The following PTPRA variants were observed in gnomAD, a reference collection of about 807,000 sequenced individuals.
PTPRA encodes receptor-type tyrosine-protein phosphatase alpha.
A neutral mutation model predicts 104.8 loss-of-function variants in PTPRA; 25 were observed. That is an observed-to-expected ratio of 0.24 (90% confidence interval 0.17 to 0.33). The LOEUF (loss-of-function observed/expected upper bound fraction) is 0.33, where lower values mean the gene tolerates loss of function less well. PTPRA is among the 10% of genes least tolerant of loss of function. PTPRA has a pLI of 1.00. For missense variants in PTPRA, 765 were observed against 1,015.3 expected (o/e 0.75, Z 3.35); for synonymous variants, 323 against 368.9 (o/e 0.88, Z 1.43).
intron 20 of PTPRA, among the ~76,000 whole-genome samples, chr20:3,030,598 T>A (rs1024731757): frequency 4.0e-5 from 6 of 151,698 alleles, no homozygotes; most frequent in Non-Finnish European, 7.4e-5. Context: ...GAGAAAAAAA[T>A]TCGATCCCAT....
intron 1 of PTPRA, among the ~76,000 whole-genome samples, chr20:2,885,702 T>C (rs1023329124): frequency 1.3e-5 from 2 of 152,070 alleles, no homozygotes; most frequent in Non-Finnish European, 1.5e-5. Context: ...AAAAATATTA[T>C]AGGACAAATG....
At chr20:2,977,209 G>A (rs2062468754) in intron 6 of PTPRA, among the ~76,000 whole-genome samples, 1 of 151,348 alleles carries the variant, frequency 6.6e-6, no homozygotes, top group Non-Finnish European at 1.5e-5. Flanking sequence ...CTGGGAGGCA[G>A]AGGTTGCAGT....
intron 10 of PTPRA, among the ~76,000 whole-genome samples, chr20:3,006,630 T>C (rs1367016470): frequency 1.3e-5 from 2 of 152,210 alleles, no homozygotes; most frequent in East Asian, 3.8e-4. Context: ...CATTTACAGA[T>C]ACTTTTGTCT....
At chr20:2,904,833 A>G (rs1490519968) in intron 1 of PTPRA, among the ~76,000 whole-genome samples, 2 of 152,200 alleles carry the variant, frequency 1.3e-5, no homozygotes, top group Non-Finnish European at 2.9e-5. Context: ...TTCAGAAATC[A>G]GGGAGAAAAT....
At chr20:3,015,923 A>C in intron 12 of PTPRA, 38 bp downstream of exon 12, 1 of 1,529,456 alleles carries the variant, frequency 6.5e-7, no homozygotes, top group Non-Finnish European at 9.1e-7. Context: ...AGATTTAACC[A>C]TGATCACATA....
chr20:2,937,525 A>G (rs1453041084), intron 2 of PTPRA, among the ~76,000 whole-genome samples: 5 of 152,156 alleles, frequency 3.3e-5, no homozygotes, highest in Non-Finnish European at 7.3e-5. Flanking sequence ...CATCAAACAT[A>G]ATCTTTAAAA....
chr20:2,878,136 C>T (rs966403205), intron 1 of PTPRA, among the ~76,000 whole-genome samples: 10 of 151,718 alleles, frequency 6.6e-5, no homozygotes, highest in East Asian at 1.9e-4. Context: ...GGCGACAGAG[C>T]GAGACTCCGT....
At chr20:3,004,753 C>T (rs1406806574) in intron 9 of PTPRA, among the ~76,000 whole-genome samples, 2 of 152,210 alleles carry the variant, frequency 1.3e-5, no homozygotes, top group Admixed American at 6.5e-5. Context: ...GCCCTTTTGG[C>T]CCAGTATCAT....
At chr20:2,886,901 AT>A (rs58034120) in intron 1 of PTPRA, among the ~76,000 whole-genome samples, 61,902 of 150,880 alleles carry the variant, frequency 0.41, 13,323 homozygotes, top group East Asian at 0.64. Context: ...AAATAAAAAA[AT>A]GTAGTATCTT....
At chr20:2,915,467 T>C (rs1274439853) in intron 1 of PTPRA, among the ~76,000 whole-genome samples, 1 of 122,054 alleles carries the variant, frequency 8.2e-6, no homozygotes, top group Admixed American at 9.1e-5. Context: ...GGAAGTTGTC[T>C]TTTTTTGTTA....
At chr20:2,973,348 A>G (rs2062272504) in intron 5 of PTPRA, among the ~76,000 whole-genome samples, 1 of 152,178 alleles carries the variant, frequency 6.6e-6, no homozygotes, top group African/African-American at 2.4e-5. Context: ...GTTAATTAAC[A>G]TATTTAGTGC....
At chr20:3,009,871 GACA>G (rs2064072613) in intron 11 of PTPRA, among the ~76,000 whole-genome samples, 2 of 150,312 alleles carry the variant, frequency 1.3e-5, no homozygotes, top group African/African-American at 4.9e-5. Flanking sequence ...TTTTTCTGGA[GACA>G]GTCTCACCCC....
intron 11 of PTPRA, among the ~76,000 whole-genome samples, chr20:3,013,607 C>A (rs2064288876): frequency 6.6e-6 from 1 of 152,068 alleles, no homozygotes; most frequent in African/African-American, 2.4e-5. Flanking sequence ...GATGGGGTTT[C>A]TCCATGTTGG....
intron 1 of PTPRA, among the ~76,000 whole-genome samples, chr20:2,906,866 G>A (rs1307744104): frequency 6.6e-6 from 1 of 152,154 alleles, no homozygotes; most frequent in Non-Finnish European, 1.5e-5. Context: ...TTACCTTTTA[G>A]TATATTATTC....
At chr20:2,868,618 C>CTTTT (rs56081198), upstream of PTPRA, among the ~76,000 whole-genome samples, 5 of 45,212 alleles carry the variant, frequency 1.1e-4, no homozygotes, top group Non-Finnish European at 1.2e-4. Flanking sequence ...TCATTCTGGG[C>CTTTT]TTTTTTTTTT....
chr20:2,945,979 ATATATT>A (rs1568664223), intron 2 of PTPRA, among the ~76,000 whole-genome samples: 3 of 151,970 alleles, frequency 2.0e-5, no homozygotes, highest in Admixed American at 6.6e-5. Context: ...TTTAAGATAG[ATATATT>A]TATATAGCTA....
chr20:2,993,662 G>T (rs1323944454), intron 9 of PTPRA, among the ~76,000 whole-genome samples: 2 of 152,218 alleles, frequency 1.3e-5, no homozygotes, highest in Non-Finnish European at 2.9e-5. Context: ...AATCTGCAAA[G>T]TCTTCTGTAG....
At chr20:2,904,751 T>C (rs955305473) in intron 1 of PTPRA, among the ~76,000 whole-genome samples, 1 of 148,764 alleles carries the variant, frequency 6.7e-6, no homozygotes, top group African/African-American at 2.5e-5. Flanking sequence ...GAATTTAGAA[T>C]ATGAAAGTGT....
chr20:2,925,937 C>G (rs533052763), intron 2 of PTPRA, among the ~76,000 whole-genome samples: 2 of 152,206 alleles, frequency 1.3e-5, no homozygotes, highest in South Asian at 4.2e-4. Flanking sequence ...TATGGTAACT[C>G]CATGTTTCAT....
Sources: allele counts gnomAD v4.1 joint callset (sites outside exome capture counted in the v4.1 genomes callset), GRCh38; gene constraint gnomAD v4.1.1; transcripts MANE v1.5; gene names NCBI Gene and HGNC (gene_info 2026-07-23, HGNC 2026-07-21).